The following NHSL2 variants were observed in gnomAD, a reference collection of about 807,000 sequenced individuals.
NHSL2 encodes NHS like 2, also known as NHS-like protein 2.
A neutral mutation model predicts 53.4 loss-of-function variants in NHSL2; 27 were observed. That is an observed-to-expected ratio of 0.51 (90% CI 0.37 to 0.70). The LOEUF (loss-of-function observed/expected upper bound fraction) is 0.70, where lower values mean the gene tolerates loss of function less well. NHSL2 is among the 30% of genes least tolerant of loss of function. The probability of loss-of-function intolerance (pLI) is 0.00; values close to 1 mark genes in which losing one functional copy is unlikely to be tolerated. For synonymous variants in NHSL2, 408 were observed against 404.1 expected (o/e 1.01, Z -0.12); for missense variants, 892 against 980.1 (o/e 0.91, Z 1.20).
chrX:72,139,419 C>T lies in NHSL2; in HGVS notation c.1871C>T (p.Pro624Leu), dbSNP rs2042391336. Residue 624 changes from proline to leucine, a missense_variant, in exon 6 of 8, where the codon CCA (proline) becomes CTA (leucine). Pro to Leu is a moderately conservative substitution (Grantham distance 98). Coordinates refer to ENST00000633930, the MANE Select transcript of NHSL2 (RefSeq NM_001013627.3). ...HPDAQGHPAI[P>L]NHKDPESTQF... ...GATGCTCAGGGTCACCCAGCTATTC[C>T]AAACCACAAAGATCCAGAAAGTACA... The T allele has an allele frequency of 8.3e-7, 1 of 1,211,060 alleles. No homozygotes were observed. Among genetic ancestry groups the T allele is most frequent in the East Asian group, 3.0e-5 (1 of 33,812 alleles).
At chrX:71,926,010 A>C (rs1319465625) in intron 1 of NHSL2, among the ~76,000 whole-genome samples, 1 of 111,703 alleles carries the variant, frequency 9.0e-6, no homozygotes, top group African/African-American at 3.3e-5. Flanking sequence ...TTTCTAGTGG[A>C]TTGCAAGAGA....
chrX:72,058,333 C>CT (rs1262354398), intron 1 of NHSL2, among the ~76,000 whole-genome samples: 24 of 110,563 alleles, frequency 2.2e-4, no homozygotes, highest in Middle Eastern at 4.6e-3. Flanking sequence ...CTTCCCAGTT[C>CT]TTTTTTTTTA....
At position 72,138,670 on chromosome X, in the gene NHSL2, C is replaced by A; in HGVS notation, c.1122C>A (p.Tyr374Ter). 8.4e-7 allele frequency: 1 copy of A among 1,186,336 alleles called. No individual in the cohort carries two copies. The highest frequency in any genetic ancestry group is 1.1e-6 in the Non-Finnish European group (1 of 881,753). ...GCATGGAGAGCATGGGAATGGTGTA[C>A]AGTGTCCCCAGTTCTTGCAATGGAC... ...PPGMESMGMV[Y>*]SVPSSCNGPT... is the part of the protein sequence containing the mutation. Residue 374 changes from tyrosine (Y) to a stop codon, truncating the protein, a stop_gained, in exon 6 of 8, where the codon TAC becomes TAA. Coordinates refer to ENST00000633930, the MANE Select transcript of NHSL2 (RefSeq NM_001013627.3). LOFTEE classifies it high-confidence loss of function.
intron 2 of NHSL2, 70 bp from the exon 3 acceptor site, chrX:72,134,021 T>C: frequency 9.1e-7 from 1 of 1,096,307 alleles, no homozygotes; most frequent in South Asian, 2.1e-5. Context: ...TCCTGGCTCA[T>C]GGCCCTTCCC....
chrX:72,132,481 G>A (rs1448169040), intron 2 of NHSL2, among the ~76,000 whole-genome samples: 2 of 110,114 alleles, frequency 1.8e-5, no homozygotes, highest in Non-Finnish European at 3.8e-5. Flanking sequence ...AACAAGGACA[G>A]AGACTGAGGC....
chrX:71,976,507 C>T (rs1306713900), intron 1 of NHSL2, among the ~76,000 whole-genome samples: 2 of 111,930 alleles, frequency 1.8e-5, no homozygotes, highest in East Asian at 5.6e-4. Flanking sequence ...AGTTTAGCCC[C>T]TTTGTCTAGA....
At chrX:71,927,873 C>A (rs961965692) in intron 1 of NHSL2, among the ~76,000 whole-genome samples, 1 of 112,090 alleles carries the variant, frequency 8.9e-6, no homozygotes, top group African/African-American at 3.2e-5. Context: ...TACTTGCTTT[C>A]TTTATGACCC....
Position 72,137,131 on chromosome X carries a change from G to A in NHSL2, c.798G>A (p.Ser266=), listed in dbSNP as rs909715054. 4.3e-6 allele frequency: 5 copies of A among 1,164,085 alleles called. No homozygotes were observed. Among genetic ancestry groups the A allele is most frequent in the Non-Finnish European group, 5.7e-6 (5 of 870,585 alleles). Residue 266 remains serine, a synonymous_variant, in exon 5 of 8, where the codon TCG becomes TCA. Coordinates refer to ENST00000633930, the MANE Select transcript of NHSL2 (RefSeq NM_001013627.3). ...QFDKHASLRH[S]LFNTETAVNP... ...ATAAACATGCAAGTTTGCGACACTC[G>A]TTGTTTAACACAGAGACAGCCGTGA...
rs751695015 is a variant in NHSL2 at position 72,119,491 on chromosome X, TG to T, written c.281-12587del. ...TTCACGCCATGTTTGTTAAATTTAT[TG>T]TTATGTGTTTTATTCTTTTGATGAT... On this transcript the variant is annotated intron_variant, in intron 1 of 7. Transcript: ENST00000633930. Among the ~76,000 whole-genome samples, 9 of 112,755 alleles carry T rather than the reference TG, an allele frequency of 8.0e-5. No homozygotes were observed. The South Asian group carries it at 3.2e-3, about 41-fold the overall frequency.
At chrX:71,935,141 G>A (rs899465156) in intron 1 of NHSL2, among the ~76,000 whole-genome samples, 2 of 111,716 alleles carry the variant, frequency 1.8e-5, no homozygotes, top group Admixed American at 9.4e-5. Flanking sequence ...CACCATTCCC[G>A]GGAGTCCTTC....
chrX:72,068,118 G>C (rs147893814), intron 1 of NHSL2, among the ~76,000 whole-genome samples: 49 of 111,611 alleles, frequency 4.4e-4, no homozygotes, highest in African/African-American at 1.5e-3. Context: ...TCTCTGTATT[G>C]TCATGGCCTT....
At chrX:72,127,757 C>T (rs1384350657) in intron 1 of NHSL2, 1 of 112,914 alleles carries the variant, frequency 8.9e-6, no homozygotes, top group Non-Finnish European at 1.9e-5. Flanking sequence ...TACTCCTGCC[C>T]TGGTGGGGAT....
At chrX:71,958,728 A>T (rs2041854446) in intron 1 of NHSL2, among the ~76,000 whole-genome samples, 1 of 112,552 alleles carries the variant, frequency 8.9e-6, no homozygotes, top group Non-Finnish European at 1.9e-5. Flanking sequence ...GGTTGCTGTT[A>T]ACTGGTAAAC....
chrX:72,131,246 T>C, intron 1 of NHSL2: 1 of 1,200,885 alleles, frequency 8.3e-7, no homozygotes, highest in Non-Finnish European at 1.1e-6. Flanking sequence ...TCATCCGAGA[T>C]ACAGTCGGGC....
chrX:72,093,661 A>C (rs1401136560), intron 1 of NHSL2, among the ~76,000 whole-genome samples: 1 of 112,113 alleles, frequency 8.9e-6, no homozygotes, highest in Non-Finnish European at 1.9e-5. Flanking sequence ...GGAGCAATGA[A>C]CATCCTTGGA....
rs746595897 is a variant in NHSL2 at position 71,951,351 on chromosome X, C to T, written c.280+39984C>T. On this transcript the variant is annotated intron_variant, in intron 1 of 7. Coordinates refer to ENST00000633930, the MANE Select transcript of NHSL2 (RefSeq NM_001013627.3). ...ATAGGTTGAGGAGAATCAGCCAAGTCCCTGCTTTCAATTCTTCTGGATATA... is the reference window on the plus strand; with the variant it reads ...ATAGGTTGAGGAGAATCAGCCAAGTTCCTGCTTTCAATTCTTCTGGATATA... 1.8e-4 allele frequency among the ~76,000 whole-genome samples: 20 copies of T among 111,689 alleles called. 1 individual carries two copies. The highest frequency in any genetic ancestry group is 1.5e-3 in the Admixed American group (16 of 10,534).
intron 1 of NHSL2, among the ~76,000 whole-genome samples, chrX:71,972,329 C>T (rs2041928970): frequency 8.9e-6 from 1 of 112,070 alleles, no homozygotes; most frequent in Non-Finnish European, 1.9e-5. Context: ...GCCACCGCGC[C>T]CGGCCTATTT....
chrX:72,038,159 C>A (rs187206106), intron 1 of NHSL2, among the ~76,000 whole-genome samples: 46 of 111,563 alleles, frequency 4.1e-4, no homozygotes, highest in Non-Finnish European at 7.9e-4. Context: ...CTCTCCTCAG[C>A]AGAATAAGTT....
intron 1 of NHSL2, among the ~76,000 whole-genome samples, chrX:72,114,128 G>A (rs1484384149): frequency 8.9e-6 from 1 of 112,233 alleles, no homozygotes; most frequent in Non-Finnish European, 1.9e-5. Flanking sequence ...TATACCCAAG[G>A]TATCAGCCGT....
Sources: gnomAD v4.1 joint callset for allele counts (sites outside exome capture counted in the v4.1 genomes callset) on GRCh38, gnomAD v4.1.1 for gene constraint, MANE v1.5 for transcripts, NCBI Gene and HGNC (gene_info 2026-07-23, HGNC 2026-07-21) for gene names.